DNAH6: variants seen among roughly 807,000 people sequenced by gnomAD.
DNAH6 encodes axonemal beta dynein heavy chain 6.
In DNAH6, 340 loss-of-function variants were observed where a neutral mutation model predicts 491.4. The ratio of observed to expected loss-of-function variants is 0.69; its 90% CI spans 0.63 to 0.76. DNAH6 has a LOEUF of 0.76. Ranked by LOEUF, DNAH6 falls within the 30% of genes least tolerant of loss-of-function variation. DNAH6 has a pLI of 0.00. For synonymous variants in DNAH6, 1,603 were observed against 1,686.1 expected (o/e 0.95, Z 1.21); for missense variants, 4,443 against 4,972.2 (o/e 0.89, Z 3.20).
intron 11 of DNAH6, among the ~76,000 whole-genome samples, chr2:84,563,617 G>A (rs544043740): frequency 1.3e-5 from 2 of 152,100 alleles, no homozygotes; most frequent in Non-Finnish European, 2.9e-5. Context: ...GTCAAATGCG[G>A]TTTGTGAATA....
chr2:84,595,045 C>G (rs1216518359), intron 17 of DNAH6, among the ~76,000 whole-genome samples: 1 of 152,034 alleles, frequency 6.6e-6, no homozygotes, highest in Non-Finnish European at 1.5e-5. Flanking sequence ...GTGGCTTCCA[C>G]CGTAGGATGC....
At chr2:84,660,490 G>C (rs1030521549) in intron 37 of DNAH6, among the ~76,000 whole-genome samples, 1 of 152,068 alleles carries the variant, frequency 6.6e-6, no homozygotes, top group Non-Finnish European at 1.5e-5. Flanking sequence ...AATGGATAAA[G>C]TTAGAAAGTC....
intron 4 of DNAH6, among the ~76,000 whole-genome samples, chr2:84,539,788 C>T (rs1189335978): frequency 4.6e-5 from 7 of 152,030 alleles, no homozygotes; most frequent in Non-Finnish European, 1.0e-4. Flanking sequence ...CTTAGTTTTG[C>T]TTTTGTTTAA....
At chr2:84,799,820 A>G (rs1489889363) in intron 70 of DNAH6, among the ~76,000 whole-genome samples, 1 of 152,254 alleles carries the variant, frequency 6.6e-6, no homozygotes, top group Non-Finnish European at 1.5e-5. Flanking sequence ...GAATGGACTT[A>G]AAGAGGGAGC....
intron 40 of DNAH6, among the ~76,000 whole-genome samples, chr2:84,676,027 C>T (rs1306353726): frequency 6.6e-6 from 1 of 152,188 alleles, no homozygotes; most frequent in African/African-American, 2.4e-5. Flanking sequence ...TCCATTAGAC[C>T]CACAGGGCTT....
At chr2:84,804,291 C>T (rs1439752370) in intron 70 of DNAH6, among the ~76,000 whole-genome samples, 1 of 151,030 alleles carries the variant, frequency 6.6e-6, no homozygotes, top group Non-Finnish European at 1.5e-5. Context: ...AATTACAATG[C>T]ATTTATACCA....
intron 4 of DNAH6, among the ~76,000 whole-genome samples, chr2:84,543,280 G>A (rs1211238509): frequency 6.6e-6 from 1 of 152,188 alleles, no homozygotes; most frequent in Non-Finnish European, 1.5e-5. Flanking sequence ...TTTCACTGGA[G>A]TGTTCCTAAT....
chr2:84,507,603 G>A, the DNAH6 span, among the ~76,000 whole-genome samples: 27 of 151,994 alleles, frequency 1.8e-4, no homozygotes, highest in African/African-American at 6.0e-4. Context: ...CCAACACTAT[G>A]TTGAATAGGA....
chr2:84,638,408 C>T (rs1301348984), intron 31 of DNAH6, among the ~76,000 whole-genome samples: 4 of 151,994 alleles, frequency 2.6e-5, no homozygotes, highest in Non-Finnish European at 5.9e-5. Flanking sequence ...AATTCTTACA[C>T]ATGCATTCAT....
intron 36 of DNAH6, 58 bp downstream of exon 36, chr2:84,658,532 C>G (rs887772932): frequency 1.6e-6 from 2 of 1,220,972 alleles, no homozygotes; most frequent in Middle Eastern, 2.0e-4. Context: ...TGTATAAGTT[C>G]TTTGCAAAGA....
chr2:84,722,053 A>G (rs575173787), intron 59 of DNAH6, among the ~76,000 whole-genome samples: 3 of 152,234 alleles, frequency 2.0e-5, no homozygotes, highest in Non-Finnish European at 2.9e-5. Flanking sequence ...AGACCTTGAA[A>G]GCATCGCTAA....
intron 3 of DNAH6, among the ~76,000 whole-genome samples, 198 bp from the exon 4 acceptor site, chr2:84,528,706 G>A (rs149399165): frequency 1.8e-3 from 275 of 152,242 alleles, no homozygotes; most frequent in African/African-American, 6.4e-3. Context: ...AAAAGGATGC[G>A]TATCTGGATA....
chr2:84,689,511 G>A (rs1329704303), intron 45 of DNAH6, among the ~76,000 whole-genome samples: 1 of 152,178 alleles, frequency 6.6e-6, no homozygotes, highest in African/African-American at 2.4e-5. Flanking sequence ...CAGCATCAGG[G>A]TATCTGGGTT....
At chr2:84,497,542 A>G in the DNAH6 span, among the ~76,000 whole-genome samples, 2 of 152,172 alleles carry the variant, frequency 1.3e-5, no homozygotes, top group African/African-American at 4.8e-5. Context: ...TAGCCTTGGA[A>G]GAGTAACTTT....
At chr2:84,576,557 G>A (rs889216669) in intron 12 of DNAH6, among the ~76,000 whole-genome samples, 1 of 152,054 alleles carries the variant, frequency 6.6e-6, no homozygotes, top group Non-Finnish European at 1.5e-5. Flanking sequence ...GAGGCCCAGA[G>A]GGTACAGAAT....
chr2:84,686,331 C>A (rs17025477), intron 43 of DNAH6, among the ~76,000 whole-genome samples, 153 bp from the exon 44 acceptor site: 3 of 152,042 alleles, frequency 2.0e-5, no homozygotes, highest in African/African-American at 7.2e-5. Flanking sequence ...TAAACTAAAG[C>A]GGCATGGAGT....
rs56944137 is a variant in DNAH6, at chr2:84,720,267, CTTTTTTTTTTTTTTT to C, written c.9792+1898_9792+1912del. Among the ~76,000 whole-genome samples, 7 of 49,526 alleles carry C rather than the reference CTTTTTTTTTTTTTTT, an allele frequency of 1.4e-4. 1 individual carries two copies. Among genetic ancestry groups the C allele is most frequent in the African/African-American group, 4.4e-4 (6 of 13,522 alleles). The allele number at this position is 49,526 out of a possible 152,430, so 32.5% of individuals were successfully genotyped here. On this transcript the variant is annotated intron_variant, in intron 59 of 76. Transcript: ENST00000389394. ...GCCCTTCCCACTTCCAAGAGTGCTT[CTTTTTTTTTTTTTTT>C]TTTTTTTTTTTTTTGAGACAGAGTC...
intron 30 of DNAH6, among the ~76,000 whole-genome samples, chr2:84,636,200 A>G (rs1180088268): frequency 6.6e-6 from 1 of 152,180 alleles, no homozygotes; most frequent in East Asian, 1.9e-4. Context: ...TCCTTAGTTT[A>G]GTGTGCAGGA....
At chr2:84,666,628 G>A (rs188067528) in intron 37 of DNAH6, among the ~76,000 whole-genome samples, 15 of 152,288 alleles carry the variant, frequency 9.8e-5, no homozygotes, top group Middle Eastern at 3.4e-3. Flanking sequence ...AACATTCCAT[G>A]CTCATGGATA....
Sources: gnomAD v4.1 joint callset for allele counts (sites outside exome capture counted in the v4.1 genomes callset) on GRCh38, gnomAD v4.1.1 for gene constraint, MANE v1.5 for transcripts, NCBI Gene and HGNC (gene_info 2026-07-23, HGNC 2026-07-21) for gene names.